Variants in CD300C observed in about 807,000 individuals in gnomAD.
The protein encoded by CD300C is CD300c molecule.
CD300C carries 11 observed loss-of-function variants against 18.4 expected under a neutral mutation model. The ratio of observed to expected loss-of-function variants is 0.60; its 90% CI spans 0.38 to 0.99. The LOEUF (loss-of-function observed/expected upper bound fraction) is 0.99, where lower values mean the gene tolerates loss of function less well. Among genes scored for constraint, CD300C ranks in the 50% least tolerant of loss-of-function variants. The probability of loss-of-function intolerance (pLI) is 0.01; values close to 1 mark genes in which losing one functional copy is unlikely to be tolerated. For missense variants in CD300C, 277 were observed against 287.4 expected (o/e 0.96, Z 0.26); for synonymous variants, 116 against 116.3 (o/e 1.00, Z 0.02).
chr17:74,541,652 C>G lies in CD300C; in HGVS notation c.612G>C (p.Trp204Cys). 2 of 1,613,986 alleles carry G rather than the reference C, an allele frequency of 1.2e-6. No homozygotes were observed. The highest frequency in any genetic ancestry group is 2.7e-5 in the African/African-American group (2 of 75,002). The change falls in exon 4 of 4, where the codon TGG becomes TGC. Residue 204 changes from tryptophan to cysteine, a missense_variant. By Grantham distance (215) the Trp-to-Cys change is radical. Coordinates refer to ENST00000330793, the MANE Select transcript of CD300C (RefSeq NM_006678.5). ...LLLSMLGAVL[W>C]VNRPQRSSRS... Reference sequence around the variant, plus strand: ...TAGAGCTTCTCTGAGGTCTGTTCACCCAGAGGACGGCACCCAGCATGCTCA... The same window carrying G: ...TAGAGCTTCTCTGAGGTCTGTTCACGCAGAGGACGGCACCCAGCATGCTCA...
intron 3 of CD300C, among the ~76,000 whole-genome samples, chr17:74,542,005 G>T (rs542537202): frequency 1.1e-4 from 16 of 152,270 alleles, no homozygotes; most frequent in African/African-American, 3.9e-4. Flanking sequence ...TGTCCAGGAC[G>T]CAGCTGTCTA....
intron 3 of CD300C, 131 bp from the exon 4 acceptor site, chr17:74,541,867 C>T (rs1378657077): frequency 5.5e-6 from 5 of 917,332 alleles, no homozygotes; most frequent in Non-Finnish European, 6.5e-6. Flanking sequence ...CTGGACAGTC[C>T]ATCCCGTCTC....
chr17:74,534,731 T>C, the CD300C span, among the ~76,000 whole-genome samples: 1 of 152,180 alleles, frequency 6.6e-6, no homozygotes. Flanking sequence ...TGAGGCTTCA[T>C]CTAAAAAAAT....
chr17:74,535,597 G>A, the CD300C span, among the ~76,000 whole-genome samples: 3 of 151,494 alleles, frequency 2.0e-5, no homozygotes, highest in African/African-American at 7.3e-5. Flanking sequence ...CATTTTAAAA[G>A]CTCATAAATA....
At chr17:74,539,511 C>G (rs1298863744), downstream of CD300C, among the ~76,000 whole-genome samples, 4 of 152,256 alleles carry the variant, frequency 2.6e-5, no homozygotes, top group East Asian at 7.7e-4. Context: ...TGACCCCTGA[C>G]ACACACACAC....
At chr17:74,541,793 C>T (rs1282202014) in intron 3 of CD300C, 57 bp from the exon 4 acceptor site, 1 of 1,560,806 alleles carries the variant, frequency 6.4e-7, no homozygotes, top group African/African-American at 1.4e-5. Flanking sequence ...CCCAGGTGCC[C>T]TCCACCATCC....
the CD300C span, among the ~76,000 whole-genome samples, chr17:74,535,044 T>C: frequency 1.3e-5 from 2 of 152,238 alleles, no homozygotes; most frequent in Non-Finnish European, 2.9e-5. Context: ...CTAGATTAAT[T>C]GATTATCTAC....
Position 74,546,064 on chromosome 17 carries a change from G to A in CD300C, c.-282C>T, listed in dbSNP as rs1908750544. The A allele has an allele frequency of 2.4e-6, 1 of 410,138 alleles. No homozygotes were observed. The highest frequency in any genetic ancestry group is 4.5e-6 in the Non-Finnish European group (1 of 220,704). The allele number at this position is 410,138 out of a possible 1,614,324, so 25.4% of individuals were successfully genotyped here. A position where few individuals can be genotyped will look rare whatever the true frequency, so the allele number is the denominator to read the frequency against. ...CCAGGGTCCCTTGGGTGGCGATGCA[G>A]CCACTTCCCCACAGCCCACAGCTTC... is the stretch of plus-strand genomic sequence containing the variant. On this transcript the variant is annotated 5_prime_UTR_variant, in exon 1 of 4. Coordinates refer to ENST00000330793, the MANE Select transcript of CD300C (RefSeq NM_006678.5).
At chr17:74,534,896 T>C in the CD300C span, among the ~76,000 whole-genome samples, 1 of 152,168 alleles carries the variant, frequency 6.6e-6, no homozygotes, top group South Asian at 2.1e-4. Flanking sequence ...GCAAAATCTT[T>C]CCTTTAGAAT....
chr17:74,545,316 G>T (rs1241874560), intron 1 of CD300C, among the ~76,000 whole-genome samples: 1 of 141,248 alleles, frequency 7.1e-6, no homozygotes, highest in African/African-American at 2.5e-5. Context: ...GACTGTGTGT[G>T]CATGTGTGAC....
downstream of CD300C, among the ~76,000 whole-genome samples, chr17:74,538,687 A>G (rs1188843783): frequency 1.3e-5 from 2 of 152,216 alleles, no homozygotes; most frequent in East Asian, 3.8e-4. Context: ...CTTTGTGTGC[A>G]GGAGCAGACT....
chr17:74,536,398 T>G (rs1371457027), downstream of CD300C, among the ~76,000 whole-genome samples: 1 of 150,440 alleles, frequency 6.6e-6, no homozygotes, highest in African/African-American at 2.4e-5. Context: ...CAGGACGTGG[T>G]GGTGGGCGCC....
chr17:74,535,140 C>T, the CD300C span, among the ~76,000 whole-genome samples: 1 of 152,094 alleles, frequency 6.6e-6, no homozygotes, highest in Non-Finnish European at 1.5e-5. Context: ...TATCTACATG[C>T]ATGCAATGAA....
In CD300C at chr17:74,545,927, G is replaced by C; in HGVS notation, c.-145C>G. The C allele has an allele frequency of 1.4e-6, 1 of 731,408 alleles. No individual in the cohort carries two copies. The highest frequency in any genetic ancestry group is 2.7e-5 in the East Asian group (1 of 36,534). 45.3% of individuals were successfully genotyped at this position (731,408 alleles called of 1,614,324 possible). A position where few individuals can be genotyped will look rare whatever the true frequency, so the allele number is the denominator to read the frequency against. On this transcript the variant is annotated 5_prime_UTR_variant, in exon 1 of 4. Transcript: ENST00000330793. ...CAGCCCTGTCTCAGGTCTGAGGCTG[G>C]AGAGGGTCAGGGTACAGGAAGCTCA...
At chr17:74,535,984 T>C in the CD300C span, among the ~76,000 whole-genome samples, 2 of 152,318 alleles carry the variant, frequency 1.3e-5, no homozygotes, top group East Asian at 3.9e-4. Flanking sequence ...AAAATGTGGA[T>C]AATGCTTATC....
intron 1 of CD300C, 92 bp from the exon 2 acceptor site, chr17:74,545,039 G>A: frequency 1.6e-6 from 2 of 1,229,916 alleles, no homozygotes; most frequent in Non-Finnish European, 2.3e-6. Context: ...CTGGGCGTGT[G>A]GAGAAGGCAA....
In CD300C at chr17:74,544,618, C is replaced by T. The variant is rs565275112; in HGVS notation, c.391G>A (p.Val131Met). 1.6e-5 allele frequency: 26 copies of T among 1,609,380 alleles called. No individual in the cohort carries two copies. Among genetic ancestry groups the T allele is most frequent in the African/African-American group, 4.0e-5 (3 of 74,868 alleles). The change falls in exon 2 of 4, where the codon GTG becomes ATG. Residue 131 changes from valine to methionine, a missense_variant. Physicochemically the swap from Val to Met is conservative, Grantham distance 21. Transcript: ENST00000330793. ...AAAAGGAGGGGCTCACCCGGGAACA[C>T]GGACACCTCAACCTCGACAATGGGA... ...HDPIVEVEVS[V>M]FPAGTTTASS... is the part of the protein sequence containing the mutation.
At chr17:74,534,810 A>G in the CD300C span, among the ~76,000 whole-genome samples, 1 of 152,200 alleles carries the variant, frequency 6.6e-6, no homozygotes, top group African/African-American at 2.4e-5. Flanking sequence ...CACAAAAACC[A>G]CTATCTGAAA....
chr17:74,535,469 C>CAAAAAAAAAAAAAAAAAAAAAAATAAAAA, the CD300C span, among the ~76,000 whole-genome samples: 1 of 80,278 alleles, frequency 1.2e-5, no homozygotes, highest in African/African-American at 4.8e-5. Flanking sequence ...AACTCTGTCT[C>CAAAAAAAAAAAAAAAAAAAAAAATAAAAA]AAAAAAAAAA....
Sources: allele counts gnomAD v4.1 joint callset (sites outside exome capture counted in the v4.1 genomes callset), GRCh38; gene constraint gnomAD v4.1.1; transcripts MANE v1.5; gene names NCBI Gene and HGNC (gene_info 2026-07-23, HGNC 2026-07-21).